The following DKK2 variants were observed in gnomAD, a reference collection of about 807,000 sequenced individuals.
The protein encoded by DKK2 is dickkopf-related protein 2.
DKK2 carries 11 observed loss-of-function variants against 28.1 expected under a neutral mutation model. The observed-to-expected ratio is 0.39, with a 90% CI of 0.25 to 0.65. The LOEUF (loss-of-function observed/expected upper bound fraction) is 0.65. DKK2 is among the 30% of genes least tolerant of loss of function. The pLI, the probability that DKK2 is intolerant of heterozygous loss-of-function variation, is 0.47. For missense variants in DKK2, 326 were observed against 335.5 expected (o/e 0.97, Z 0.22); for synonymous variants, 135 against 126.5 (o/e 1.07, Z -0.45).
intron 1 of DKK2, among the ~76,000 whole-genome samples, chr4:106,933,369 C>A (rs1160931322): frequency 6.6e-6 from 1 of 152,168 alleles, no homozygotes; most frequent in African/African-American, 2.4e-5. Context: ...ACAATAACAA[C>A]AATTTCCAGG....
chr4:106,929,598 G>T (rs1418067762), intron 1 of DKK2, among the ~76,000 whole-genome samples: 5 of 152,118 alleles, frequency 3.3e-5, no homozygotes, highest in African/African-American at 1.2e-4. Context: ...GACATTTTCT[G>T]CAACCCCCTT....
chr4:106,976,682 C>T (rs13111509), intron 1 of DKK2, among the ~76,000 whole-genome samples: 30,600 of 152,002 alleles, frequency 0.2, 3,375 homozygotes, highest in East Asian at 0.42. Flanking sequence ...TGGGTTTTGA[C>T]TCTTTATCCA....
chr4:106,949,323 G>A (rs948274337), intron 1 of DKK2, among the ~76,000 whole-genome samples: 4 of 152,160 alleles, frequency 2.6e-5, no homozygotes, highest in Non-Finnish European at 5.9e-5. Context: ...AGTGAAGGGT[G>A]TGTGTTACAA....
intron 1 of DKK2, among the ~76,000 whole-genome samples, chr4:106,950,244 A>C (rs1380366462): frequency 6.6e-6 from 1 of 152,212 alleles, no homozygotes; most frequent in Non-Finnish European, 1.5e-5. Flanking sequence ...GCACTTGCTC[A>C]GACCAAAAAC....
chr4:106,938,682 C>A (rs997833324), intron 1 of DKK2, among the ~76,000 whole-genome samples: 5 of 152,102 alleles, frequency 3.3e-5, no homozygotes, highest in Admixed American at 2.6e-4. Context: ...AGACCAATAT[C>A]CTTGATGAAC....
chr4:107,006,198 T>C (rs762046167), intron 1 of DKK2, among the ~76,000 whole-genome samples: 1 of 152,164 alleles, frequency 6.6e-6, no homozygotes, highest in Non-Finnish European at 1.5e-5. Context: ...TAGAAGGTAA[T>C]GGTTTGGGGG....
intron 1 of DKK2, among the ~76,000 whole-genome samples, chr4:106,956,583 T>G (rs1722595663): frequency 6.6e-6 from 1 of 152,138 alleles, no homozygotes; most frequent in Non-Finnish European, 1.5e-5. Context: ...AACAGAGCCC[T>G]CAGAAATAAC....
chr4:106,924,695 A>C lies in DKK2; in HGVS notation c.379T>G (p.Cys127Gly). 6.2e-7 allele frequency: 1 copy of C among 1,612,530 alleles called. No homozygotes were observed. Among genetic ancestry groups the C allele is most frequent in the Non-Finnish European group, 8.5e-7 (1 of 1,179,254 alleles). Residue 127 changes from cysteine (C) to glycine (G), a missense_variant, in exon 3 of 4, where the codon TGT becomes GGT. Coordinates refer to ENST00000285311, the MANE Select transcript of DKK2 (RefSeq NM_014421.3). ...CPSTRCNNGI[C>G]IPVTESILTP... ...AAGATGCTTTCAGTAACTGGGATACAGATGCCTGGAGATGATCATATAATC... is the reference window on the plus strand; with the variant it reads ...AAGATGCTTTCAGTAACTGGGATACCGATGCCTGGAGATGATCATATAATC...
chr4:106,942,718 G>A (rs1206431056), intron 1 of DKK2, among the ~76,000 whole-genome samples: 1 of 152,092 alleles, frequency 6.6e-6, no homozygotes, highest in Non-Finnish European at 1.5e-5. Context: ...CTGGCTAATA[G>A]AGCTTTTATA....
chr4:106,963,551 T>C (rs1467701175), intron 1 of DKK2, among the ~76,000 whole-genome samples: 1 of 152,122 alleles, frequency 6.6e-6, no homozygotes, highest in Non-Finnish European at 1.5e-5. Flanking sequence ...GGTGAGGATG[T>C]GAAGAGAGAG....
At chr4:107,028,159 T>C (rs1212988184) in intron 1 of DKK2, among the ~76,000 whole-genome samples, 2 of 142,960 alleles carry the variant, frequency 1.4e-5, no homozygotes, top group Non-Finnish European at 3.1e-5. Flanking sequence ...AATACAACAT[T>C]GACTTATCCT....
rs75309185 is a variant in DKK2 at position 107,031,478 on chromosome 4, T to C, written c.222+3892A>G. On this transcript the variant is annotated intron_variant, in intron 1 of 3. Coordinates refer to ENST00000285311, the MANE Select transcript of DKK2 (RefSeq NM_014421.3). ...TAGTCAACTCGTTCAAGCTTCTCTT[T>C]CAATGAATTTCAAGAATTCTTTTCT... 8.2e-4 allele frequency among the ~76,000 whole-genome samples: 125 copies of C among 152,154 alleles called. No homozygotes were observed. In the East Asian group the frequency reaches 0.022, roughly 26 times the overall value.
rs1443487833 is a variant in DKK2, at chr4:106,927,842, GTTTC to G, written c.223-1897_223-1894del. Among the ~76,000 whole-genome samples, 4 of 152,176 alleles carry G rather than the reference GTTTC, an allele frequency of 2.6e-5. No homozygotes were observed. The South Asian group carries it at 6.2e-4, about 24-fold the overall frequency. ...TTGCAACAAACATTTGAAGTTACAAGTTTCTTTCCTTCCTCAAAAATAGGACATG... is the reference window on the plus strand; with the variant it reads ...TTGCAACAAACATTTGAAGTTACAAGTTTCCTTCCTCAAAAATAGGACATG... On this transcript the variant is annotated intron_variant, in intron 1 of 3. Transcript: ENST00000285311.
chr4:106,983,761 G>T (rs886219417), intron 1 of DKK2, among the ~76,000 whole-genome samples: 1 of 152,126 alleles, frequency 6.6e-6, no homozygotes, highest in Non-Finnish European at 1.5e-5. Flanking sequence ...AAATTCAACA[G>T]TAAAAAGGCA....
chr4:106,937,789 A>G lies in DKK2; in HGVS notation c.223-11840T>C, dbSNP rs1214913994. On this transcript the variant is annotated intron_variant, in intron 1 of 3. Transcript: ENST00000285311. ...TATCTCTCAGACCACAGTGCAATCAAACTAGAACTCAGGATTAAGAATCTC... is the reference window on the plus strand; with the variant it reads ...TATCTCTCAGACCACAGTGCAATCAGACTAGAACTCAGGATTAAGAATCTC... 2.6e-5 allele frequency among the ~76,000 whole-genome samples: 4 copies of G among 151,046 alleles called. No individual in the cohort carries two copies. In the East Asian group the frequency reaches 7.9e-4, roughly 30 times the overall value.
At chr4:106,992,398 C>G (rs1412643461) in intron 1 of DKK2, among the ~76,000 whole-genome samples, 3 of 152,190 alleles carry the variant, frequency 2.0e-5, no homozygotes, top group Non-Finnish European at 4.4e-5. Context: ...AGGAACACTT[C>G]TTCATGCCTG....
chr4:106,927,973 A>G (rs551175915), intron 1 of DKK2, among the ~76,000 whole-genome samples: 3 of 152,288 alleles, frequency 2.0e-5, no homozygotes, highest in African/African-American at 7.2e-5. Flanking sequence ...ATAATCCTGG[A>G]TTCCATCCCC....
At chr4:107,032,468 A>G (rs1377076240) in intron 1 of DKK2, among the ~76,000 whole-genome samples, 1 of 152,130 alleles carries the variant, frequency 6.6e-6, no homozygotes, top group Non-Finnish European at 1.5e-5. Context: ...CAATAAAACT[A>G]TAGAGCTCAT....
intron 2 of DKK2, among the ~76,000 whole-genome samples, chr4:106,925,083 G>T (rs191269075): frequency 9.7e-4 from 147 of 152,248 alleles, no homozygotes; most frequent in Non-Finnish European, 1.0e-3. Flanking sequence ...CATAATGTTA[G>T]TTTACACTGT....
Sources: gnomAD v4.1 joint callset for allele counts (sites outside exome capture counted in the v4.1 genomes callset) on GRCh38, gnomAD v4.1.1 for gene constraint, MANE v1.5 for transcripts, NCBI Gene and HGNC (gene_info 2026-07-23, HGNC 2026-07-21) for gene names.